VRK2: variants seen among roughly 807,000 people sequenced by gnomAD.
The protein encoded by VRK2 is VRK serine/threonine kinase 2, also known as serine/threonine-protein kinase VRK2.
VRK2 carries 60 observed loss-of-function variants against 57.6 expected under a neutral mutation model. The observed-to-expected ratio is 1.04, with a 90% confidence interval of 0.85 to 1.29. The LOEUF is 1.29. VRK2 is among the 50% of genes most tolerant of loss of function. The pLI is 0.00. For missense variants in VRK2, 705 were observed against 588.1 expected, an observed-to-expected ratio of 1.20 and a Z score of -2.06; for synonymous variants, 231 against 199.2, an observed-to-expected ratio of 1.16 and a Z score of -1.35.
At chr2:58,132,279 T>C (rs903532218) in intron 9 of VRK2, among the ~76,000 whole-genome samples, 2 of 152,190 alleles carry the variant, frequency 1.3e-5, no homozygotes, top group East Asian at 3.9e-4. Flanking sequence ...CTTGGTACGA[T>C]TGATATTAAC....
At chr2:58,046,984 G>T in intron 1 of VRK2, 116 bp downstream of exon 1, 18 of 985,168 alleles carry the variant, frequency 1.8e-5, no homozygotes, top group Non-Finnish European at 2.2e-5. Flanking sequence ...GGGACTCCGG[G>T]CCGTCCCAGC....
intron 1 of VRK2, among the ~76,000 whole-genome samples, chr2:57,982,547 A>T (rs1203089583): frequency 6.6e-6 from 1 of 152,140 alleles, no homozygotes; most frequent in Non-Finnish European, 1.5e-5. Flanking sequence ...GCTGGTATAC[A>T]TTGGCAGGGA....
intron 10 of VRK2, among the ~76,000 whole-genome samples, chr2:58,139,373 A>C (rs542502602): frequency 6.6e-6 from 1 of 152,256 alleles, no homozygotes; most frequent in Admixed American, 6.5e-5. Context: ...ATAAATCAAA[A>C]TCACTATAAT....
intron 2 of VRK2, among the ~76,000 whole-genome samples, chr2:58,050,369 A>G (rs1006767668): frequency 1.3e-5 from 2 of 152,236 alleles, no homozygotes; most frequent in African/African-American, 2.4e-5. Context: ...GAATAGTGCA[A>G]ATAAAGACTA....
chr2:58,036,197 T>C (rs1364526364), intron 3 of VRK2, among the ~76,000 whole-genome samples: 2 of 152,110 alleles, frequency 1.3e-5, no homozygotes, highest in South Asian at 4.1e-4. Context: ...ATCTGGTAGA[T>C]AGGAAGTAGA....
chr2:58,094,338 C>T (rs1199946839), intron 7 of VRK2, among the ~76,000 whole-genome samples: 1 of 152,070 alleles, frequency 6.6e-6, no homozygotes, highest in East Asian at 1.9e-4. Context: ...TCTTTTATTC[C>T]ATTGAGCAGT....
In VRK2 at chr2:58,094,428, T is replaced by C. The variant is rs557180516; in HGVS notation, c.543+4705T>C. Among the ~76,000 whole-genome samples, 193 of 152,328 alleles carry C rather than the reference T, an allele frequency of 1.3e-3. 1 individual carries two copies. Among genetic ancestry groups the C allele is most frequent in the Non-Finnish European group, 1.9e-3 (127 of 68,024 alleles). On this transcript the variant is annotated intron_variant, in intron 7 of 12. Coordinates refer to ENST00000340157, the MANE Select transcript of VRK2 (RefSeq NM_006296.7). The stretch of plus-strand genomic sequence containing the variant: ...AGGTATTTTATTCTCTTTGAAGCAG[T>C]TGTGAATGGGAGTTCACTCATGATT...
intron 1 of VRK2, among the ~76,000 whole-genome samples, chr2:58,007,796 C>T (rs1558537523): frequency 6.6e-6 from 1 of 152,002 alleles, no homozygotes; most frequent in Non-Finnish European, 1.5e-5. Flanking sequence ...TAAGAGAAAA[C>T]TTTAAAATAA....
intron 1 of VRK2, among the ~76,000 whole-genome samples, chr2:57,975,457 T>G (rs887924647): frequency 6.6e-6 from 1 of 152,104 alleles, no homozygotes; most frequent in African/African-American, 2.4e-5. Context: ...TCTTGAAATT[T>G]TTGGCTCTGA....
chr2:58,017,311 T>G (rs1354833182), intron 1 of VRK2, among the ~76,000 whole-genome samples: 1 of 152,210 alleles, frequency 6.6e-6, no homozygotes, highest in African/African-American at 2.4e-5. Context: ...TCATTTTATT[T>G]GCTCTCCACT....
At chr2:58,100,967 A>G (rs1673872864) in intron 7 of VRK2, among the ~76,000 whole-genome samples, 1 of 151,750 alleles carries the variant, frequency 6.6e-6, no homozygotes, top group Non-Finnish European at 1.5e-5. Context: ...AATTCTTAAC[A>G]TGGGCCAAAC....
chr2:58,008,840 A>G (rs1673333701), intron 1 of VRK2, among the ~76,000 whole-genome samples: 1 of 152,102 alleles, frequency 6.6e-6, no homozygotes, highest in African/African-American at 2.4e-5. Context: ...ACACAGATTT[A>G]TTTTCTCACT....
intron 1 of VRK2, among the ~76,000 whole-genome samples, chr2:58,018,539 T>C (rs1419570836): frequency 1.3e-5 from 2 of 152,212 alleles, no homozygotes; most frequent in African/African-American, 4.8e-5. Context: ...AAATGTAATG[T>C]TGTAATATTG....
intron 11 of VRK2, 118 bp downstream of exon 11, chr2:58,139,950 C>A: frequency 9.1e-7 from 1 of 1,101,480 alleles, no homozygotes; most frequent in Non-Finnish European, 1.3e-6. Flanking sequence ...ATATTTAACT[C>A]CCATTTTGCC....
chr2:58,044,471 A>C (rs985668377), upstream of VRK2, among the ~76,000 whole-genome samples: 5 of 152,326 alleles, frequency 3.3e-5, no homozygotes, highest in Admixed American at 1.3e-4. Flanking sequence ...AAACAGGCAA[A>C]AATGTTGCCT....
chr2:58,152,754 G>A (rs2104696915), intron 12 of VRK2, among the ~76,000 whole-genome samples: 1 of 151,032 alleles, frequency 6.6e-6, no homozygotes, highest in South Asian at 2.1e-4. Context: ...AGTTTATTTT[G>A]AAGTAACTGT....
chr2:58,136,932 CATATATATTATATATCAT>C (rs1680202239), intron 10 of VRK2, among the ~76,000 whole-genome samples: 1 of 126,606 alleles, frequency 7.9e-6, no homozygotes, highest in Admixed American at 8.5e-5. Flanking sequence ...GTGTATATAT[CATATATATTATATATCAT>C]ATATGTGTAT....
At chr2:58,068,811 GAAAAAA>G (rs60586801) in intron 2 of VRK2, among the ~76,000 whole-genome samples, 2 of 129,716 alleles carry the variant, frequency 1.5e-5, no homozygotes, top group Non-Finnish European at 3.3e-5. Flanking sequence ...ACCCCCTCAG[GAAAAAA>G]AAAAAAAAAA....
At chr2:58,149,127 C>A (rs540993369) in intron 12 of VRK2, among the ~76,000 whole-genome samples, 2 of 151,432 alleles carry the variant, frequency 1.3e-5, no homozygotes, top group East Asian at 3.9e-4. Context: ...GTGCATAAAC[C>A]TGGTACTTCT....
Sources: gnomAD v4.1 joint callset for allele counts (sites outside exome capture counted in the v4.1 genomes callset) on GRCh38, gnomAD v4.1.1 for gene constraint, MANE v1.5 for transcripts, NCBI Gene and HGNC (gene_info 2026-07-23, HGNC 2026-07-21) for gene names.